STAP1: variants seen among roughly 807,000 people sequenced by gnomAD.
STAP1 encodes signal-transducing adaptor protein 1.
STAP1 carries 30 observed loss-of-function variants against 37.8 expected under a neutral mutation model. That is an observed-to-expected ratio of 0.79 (90% CI 0.59 to 1.08). The LOEUF is 1.08. Ranked by LOEUF, STAP1 falls within the 50% of genes least tolerant of loss-of-function variation. STAP1 has a pLI of 0.00. For synonymous variants in STAP1, 130 were observed against 116.0 expected (o/e 1.12, Z -0.78); for missense variants, 357 against 349.4 (o/e 1.02, Z -0.17).
chr4:67,593,175 T>A (rs1433524647), intron 7 of STAP1, 85 bp from the exon 8 acceptor site: 2 of 883,226 alleles, frequency 2.3e-6, no homozygotes, highest in East Asian at 5.2e-5. Context: ...ATGACAGTAA[T>A]CTCCATTAGA....
chr4:67,576,717 C>G (rs1256523408), intron 3 of STAP1, among the ~76,000 whole-genome samples: 1 of 152,168 alleles, frequency 6.6e-6, no homozygotes, highest in Non-Finnish European at 1.5e-5. Flanking sequence ...CTGTCTCAAA[C>G]CCCTGAGCTC....
intron 8 of STAP1, among the ~76,000 whole-genome samples, chr4:67,604,894 T>C (rs776869003): frequency 4.6e-5 from 7 of 152,234 alleles, no homozygotes; most frequent in Non-Finnish European, 1.0e-4. Flanking sequence ...GTTTTGGGTC[T>C]GTATTCAGCC....
At chr4:67,583,785 G>C in intron 6 of STAP1, 83 bp downstream of exon 6, 1 of 1,481,584 alleles carries the variant, frequency 6.7e-7, no homozygotes, top group Non-Finnish European at 9.1e-7. Context: ...CCTGCTATGT[G>C]TTTCGTTGGG....
At position 67,575,450 on chromosome 4, in the gene STAP1, C is replaced by A; in HGVS notation, c.258C>A (p.Asn86Lys). ...CTGAGCAGAATTCAACTGAAAAGAA[C>A]TGTGCGAAATTCACCCTTGTTTTGC... is the stretch of plus-strand genomic sequence containing the variant. Reference protein sequence around the residue: ...CLTEQNSTEKNCAKFTLVLPK... With the variant: ...CLTEQNSTEKKCAKFTLVLPK... Residue 86 changes from asparagine to lysine, a missense_variant, in exon 3 of 9, where the codon AAC becomes AAA. By Grantham distance (94) the Asn-to-Lys change is moderately conservative (BLOSUM62 0). Transcript: ENST00000265404. The A allele has an allele frequency of 6.2e-7, 1 of 1,608,400 alleles. No individual in the cohort carries two copies. Among genetic ancestry groups the A allele is most frequent in the Non-Finnish European group, 8.5e-7 (1 of 1,178,248 alleles).
intron 6 of STAP1, among the ~76,000 whole-genome samples, chr4:67,585,702 C>T (rs905130329): frequency 6.6e-6 from 1 of 152,116 alleles, no homozygotes; most frequent in African/African-American, 2.4e-5. Flanking sequence ...TCAATTACAA[C>T]CTAATTTGAT....
At chr4:67,583,523 G>T in intron 5 of STAP1, 51 bp from the exon 6 acceptor site, 2 of 1,519,872 alleles carry the variant, frequency 1.3e-6, no homozygotes, top group South Asian at 1.3e-5. Context: ...TTCAAGTAAT[G>T]ATCTTCATCA....
At chr4:67,584,083 G>GCC (rs1727927729) in intron 6 of STAP1, among the ~76,000 whole-genome samples, 1 of 129,866 alleles carries the variant, frequency 7.7e-6, no homozygotes, top group Non-Finnish European at 1.6e-5. Context: ...GGGTGACAGA[G>GCC]TGAGACTCGG....
chr4:67,584,693 GAA>G (rs1727942754), intron 6 of STAP1, among the ~76,000 whole-genome samples: 1 of 147,578 alleles, frequency 6.8e-6, no homozygotes, highest in African/African-American at 2.5e-5. Context: ...TGAGATAGAA[GAA>G]TGCTTGACTT....
At chr4:67,590,762 TTTTG>T in intron 6 of STAP1, 118 bp from the exon 7 acceptor site, 10 of 399,134 alleles carry the variant, frequency 2.5e-5, no homozygotes, top group South Asian at 1.9e-4. Flanking sequence ...TTTTTTTTTT[TTTTG>T]CCAAACTATA....
intron 8 of STAP1, among the ~76,000 whole-genome samples, chr4:67,600,450 T>A (rs1274185931): frequency 6.6e-6 from 1 of 152,152 alleles, no homozygotes; most frequent in East Asian, 1.9e-4. Flanking sequence ...AAATAATCCA[T>A]GTTCTGAAGG....
chr4:67,583,231 A>G (rs1727904525), intron 5 of STAP1, among the ~76,000 whole-genome samples: 2 of 152,194 alleles, frequency 1.3e-5, no homozygotes, highest in South Asian at 4.1e-4. Flanking sequence ...CCCCCAATAA[A>G]TATTTATCCG....
Position 67,583,664 on chromosome 4 carries a change from C to T in STAP1, c.621C>T (p.Asp207=). 1 of 1,613,690 alleles carries T rather than the reference C, an allele frequency of 6.2e-7. No individual in the cohort carries two copies. Among genetic ancestry groups the T allele is most frequent in the Non-Finnish European group, 8.5e-7 (1 of 1,179,814 alleles). The change falls in exon 6 of 9, where the codon GAC becomes GAT. Residue 207 remains aspartate, a synonymous_variant. Coordinates refer to ENST00000265404, the MANE Select transcript of STAP1 (RefSeq NM_012108.4). The stretch of plus-strand genomic sequence containing the variant: ...ATATGATCCTGAGGCCTGGTAGTGA[C>T]AGTAGAAACTACTCCATCACTATTC... The part of the protein sequence containing the change: ...LGNMILRPGS[D]SRNYSITIRQ...
At chr4:67,604,693 A>G (rs887238112) in intron 8 of STAP1, among the ~76,000 whole-genome samples, 43 of 152,312 alleles carry the variant, frequency 2.8e-4, no homozygotes, top group Admixed American at 5.2e-4. Flanking sequence ...GGTTTTTCAT[A>G]TATCAAGTAA....
intron 7 of STAP1, 45 bp from the exon 8 acceptor site, chr4:67,593,215 T>C (rs761233014): frequency 1.0e-5 from 14 of 1,389,702 alleles, no homozygotes; most frequent in Non-Finnish European, 1.4e-5. Flanking sequence ...TACTCTATAC[T>C]TATGCAGGTG....
intron 8 of STAP1, among the ~76,000 whole-genome samples, chr4:67,595,902 A>AATAT (rs1182890331): frequency 6.6e-6 from 1 of 152,200 alleles, no homozygotes; most frequent in African/African-American, 2.4e-5. Context: ...TGAAGAATGC[A>AATAT]ATATATTGGT....
chr4:67,598,174 A>G (rs1728265168), intron 8 of STAP1, among the ~76,000 whole-genome samples: 1 of 152,156 alleles, frequency 6.6e-6, no homozygotes, highest in Non-Finnish European at 1.5e-5. Flanking sequence ...CTGATGGTTT[A>G]AAACTGGCAG....
At chr4:67,580,316 A>ATTATCTTAGTTATCTAAAATGTC (rs1422689756) in intron 4 of STAP1, among the ~76,000 whole-genome samples, 14 of 152,114 alleles carry the variant, frequency 9.2e-5, no homozygotes, top group Non-Finnish European at 2.1e-4. Flanking sequence ...TTTACTGGTT[A>ATTATCTTAGTTATCTAAAATGTC]TTATCTTAGT....
At chr4:67,574,161 A>T (rs1456299211) in intron 2 of STAP1, among the ~76,000 whole-genome samples, 1 of 152,142 alleles carries the variant, frequency 6.6e-6, no homozygotes, top group Non-Finnish European at 1.5e-5. Context: ...TGAACAATGT[A>T]TAGTACACAA....
rs749612821 is a variant in STAP1 at position 67,575,396 on chromosome 4, A to G, written c.204A>G (p.Lys68=). Residue 68 remains lysine, a synonymous_variant, in exon 3 of 9, where the codon AAA becomes AAG. Coordinates refer to ENST00000265404, the MANE Select transcript of STAP1 (RefSeq NM_012108.4). ...TDKKSIIYVD[K]LDIVDLTCLT... The stretch of plus-strand genomic sequence containing the variant: ...CTTTATCTTTGCAGTATGTTGACAA[A>G]TTAGACATAGTAGACCTCACATGCC... 11 of 1,587,946 alleles carry G rather than the reference A, an allele frequency of 6.9e-6. No individual in the cohort carries two copies. In the East Asian group the frequency reaches 2.3e-4, roughly 33 times the overall value.
Sources: gnomAD v4.1 joint callset for allele counts (sites outside exome capture counted in the v4.1 genomes callset) on GRCh38, gnomAD v4.1.1 for gene constraint, MANE v1.5 for transcripts, NCBI Gene and HGNC (gene_info 2026-07-23, HGNC 2026-07-21) for gene names.